NCOR2: variants seen among roughly 807,000 people sequenced by gnomAD.
NCOR2 encodes the protein CTG repeat protein 26.
Under a neutral mutation model 262.9 loss-of-function variants are expected in NCOR2, and 81 were observed. The observed-to-expected ratio is 0.31, with a 90% CI of 0.26 to 0.37. The LOEUF (loss-of-function observed/expected upper bound fraction) is 0.37. Among genes scored for constraint, NCOR2 ranks in the 10% least tolerant of loss-of-function variants. NCOR2 has a pLI of 1.00. For synonymous variants in NCOR2, 1,659 were observed against 1,559.3 expected (o/e 1.06, Z -1.51); for missense variants, 3,385 against 3,621.4 (o/e 0.93, Z 1.68).
chr12:124,362,011 C>T, intron 22 of NCOR2, 115 bp downstream of exon 24: 1 of 1,003,224 alleles, frequency 1.0e-6, no homozygotes, highest in Non-Finnish European at 1.3e-6. Flanking sequence ...GTTTACTTTG[C>T]TTTCCCTGCC....
intron 20 of NCOR2, among the ~76,000 whole-genome samples, chr12:124,365,124 G>A (rs769107416): frequency 6.6e-6 from 1 of 152,180 alleles, no homozygotes; most frequent in African/African-American, 2.4e-5. Context: ...TGGAGGCGAC[G>A]CAGAACCCAG....
In NCOR2 at chr12:124,389,183, C is replaced by G. The variant is rs2041077997; in HGVS notation, c.1877-3296G>C. Among the ~76,000 whole-genome samples, 1 of 152,244 alleles carries G rather than the reference C, an allele frequency of 6.6e-6. No individual in the cohort carries two copies. The highest frequency in any genetic ancestry group is 2.4e-5 in the African/African-American group (1 of 41,460). ...CAATGTGCCCAGTGCGGACGCTCAG[C>G]GAGCAATGCCGGCCAGAGCCCACAG... is the stretch of plus-strand genomic sequence containing the variant. On this transcript the variant is annotated intron_variant, in intron 16 of 46. Coordinates refer to ENST00000405201, the Ensembl canonical transcript of NCOR2. This position sits in a 1 kb window ranked among gnomAD's most constrained non-coding sequence, Gnocchi z 4.4.
At chr12:124,479,418 C>G (rs532244656) in intron 3 of NCOR2, among the ~76,000 whole-genome samples, 41 of 151,090 alleles carry the variant, frequency 2.7e-4, no homozygotes, top group African/African-American at 9.4e-4. Context: ...CACACAGGTA[C>G]ATGCACGCAC....
chr12:124,436,859 G>A (rs535466668), intron 8 of NCOR2, among the ~76,000 whole-genome samples: 10 of 152,182 alleles, frequency 6.6e-5, no homozygotes, highest in African/African-American at 1.2e-4. Context: ...AGGCCGAGGC[G>A]GGTGCATCAC....
chr12:124,374,561 G>A lies in NCOR2; in HGVS notation c.2168-98C>T, dbSNP rs1399872432. On this transcript the variant is annotated intron_variant, in intron 18 of 46. Coordinates refer to ENST00000405201, the Ensembl canonical transcript of NCOR2. ...GGCCAAGAGGGGCCTGAAGCCCAGT[G>A]CACAGCAGTGAGGCCTCGCTGCTGC... 5.2e-6 allele frequency: 6 copies of A among 1,153,138 alleles called. No individual in the cohort carries two copies. The East Asian group carries it at 7.7e-5, about 15-fold the overall frequency. The allele number at this position is 1,153,138 out of a possible 1,614,324, so 71.4% of individuals were successfully genotyped here.
intron 16 of NCOR2, among the ~76,000 whole-genome samples, chr12:124,387,333 G>A (rs1294699192): frequency 6.9e-6 from 1 of 144,438 alleles, no homozygotes; most frequent in Non-Finnish European, 1.5e-5. Flanking sequence ...ACATCAGCCC[G>A]TGGCACGGCT....
rs397787217 is a variant in NCOR2 at position 124,533,947 on chromosome 12, T to TA, written c.-118+1617dup. Among the ~76,000 whole-genome samples, 248 of 151,744 alleles carry TA rather than the reference T, an allele frequency of 1.6e-3. 1 individual carries two copies. Among genetic ancestry groups the TA allele is most frequent in the Non-Finnish European group, 2.7e-3 (185 of 67,896 alleles). On this transcript the variant is annotated intron_variant, in intron 1 of 46. Coordinates refer to the NCOR2 transcript ENST00000404621. Reference sequence around the variant, plus strand: ...CTTTTTGTGATTTTTTTTTTTTTTTTAGTTCATCAGCTATCATTAGTGCTA... The same window carrying TA: ...CTTTTTGTGATTTTTTTTTTTTTTTTAAGTTCATCAGCTATCATTAGTGCTA...
At chr12:124,330,128 C>T (rs754496300) in intron 44 of NCOR2, among the ~76,000 whole-genome samples, 4 of 152,220 alleles carry the variant, frequency 2.6e-5, no homozygotes, top group Non-Finnish European at 5.9e-5. Context: ...CCTCAGCTTC[C>T]ACCAAAGGAC....
intron 17 of NCOR2, among the ~76,000 whole-genome samples, chr12:124,380,416 G>A (rs1385676946): frequency 2.0e-5 from 3 of 152,240 alleles, no homozygotes; most frequent in African/African-American, 4.8e-5. Flanking sequence ...GTCGGCCAGA[G>A]GGCCACAGCC....
chr12:124,456,760 C>A (rs1799939876), intron 6 of NCOR2, among the ~76,000 whole-genome samples: 2 of 152,190 alleles, frequency 1.3e-5, no homozygotes. Flanking sequence ...ACCCAGAGAA[C>A]CGGCTCTCCG....
At chr12:124,332,219 T>A (rs1025773635) in intron 43 of NCOR2, 100 bp downstream of exon 45, 2 of 1,460,436 alleles carry the variant, frequency 1.4e-6, no homozygotes, top group African/African-American at 2.8e-5. Flanking sequence ...CTTTCGAAGG[T>A]GCACCGTGGG....
intron 18 of NCOR2, among the ~76,000 whole-genome samples, chr12:124,377,707 C>T (rs888091350): frequency 7.2e-5 from 11 of 151,836 alleles, no homozygotes; most frequent in African/African-American, 2.7e-4. Context: ...GGTGTGGCGG[C>T]GGGCACCTCT....
chr12:124,534,415 C>T (rs1017328917), intron 1 of NCOR2, among the ~76,000 whole-genome samples: 2 of 151,596 alleles, frequency 1.3e-5, no homozygotes, highest in African/African-American at 4.8e-5. Flanking sequence ...AAGATCACAC[C>T]ACTGCACTCC....
intron 1 of NCOR2, among the ~76,000 whole-genome samples, chr12:124,532,852 G>A (rs997786472): frequency 6.8e-5 from 9 of 132,418 alleles, no homozygotes; most frequent in Non-Finnish European, 1.3e-4. Flanking sequence ...GTGGGGGACC[G>A]CCACCGTCCC....
intron 44 of NCOR2, among the ~76,000 whole-genome samples, chr12:124,328,306 G>A (rs909266873): frequency 2.0e-5 from 3 of 152,180 alleles, no homozygotes; most frequent in African/African-American, 7.2e-5. Context: ...GTGCAGAGAC[G>A]GACGCTGAGG....
At chr12:124,398,699 C>G (rs1313912164) in intron 15 of NCOR2, among the ~76,000 whole-genome samples, 1 of 152,266 alleles carries the variant, frequency 6.6e-6, no homozygotes, top group Non-Finnish European at 1.5e-5. Flanking sequence ...ACCCTGGACT[C>G]TGCACGCTGG....
chr12:124,475,849 C>A (rs2047075561), intron 3 of NCOR2, among the ~76,000 whole-genome samples: 1 of 152,190 alleles, frequency 6.6e-6, no homozygotes, highest in Non-Finnish European at 1.5e-5. Flanking sequence ...CTGTTCACCC[C>A]ACAGAACCGT....
chr12:124,495,345 C>T (rs953546368), upstream of NCOR2: 76 of 1,464,554 alleles, frequency 5.2e-5, no homozygotes, highest in African/African-American at 9.8e-4. The surrounding 1 kb of genome is among the most constrained non-coding windows in gnomAD (Gnocchi z 4.4). Context: ...GTCATCAGCT[C>T]ACGGGCCACC....
In NCOR2 at chr12:124,425,121, T is replaced by C. The variant is rs543584669; in HGVS notation, c.1328+1501A>G. Among the ~76,000 whole-genome samples the C allele has an allele frequency of 2.6e-5, 4 of 152,316 alleles. No individual in the cohort carries two copies. The East Asian group carries it at 7.7e-4, about 29-fold the overall frequency. ...CAGGCGTGGTGGCTCACGCCTATAA[T>C]CTCAGCACTTTGGGAGGCCGAGACG... On this transcript the variant is annotated intron_variant, in intron 11 of 46. Coordinates refer to ENST00000405201, the Ensembl canonical transcript of NCOR2.
Sources: allele counts gnomAD v4.1 joint callset (sites outside exome capture counted in the v4.1 genomes callset), GRCh38; gene constraint gnomAD v4.1.1; non-coding constraint Gnocchi (gnomAD v3.1); transcripts MANE v1.5; gene names NCBI Gene and HGNC (gene_info 2026-07-23, HGNC 2026-07-21).